The following CCNY variants were observed in gnomAD, a reference collection of about 807,000 sequenced individuals.
CCNY encodes cyclin-Y.
In CCNY, 19 loss-of-function variants were observed where a neutral mutation model predicts 42.8. That is an observed-to-expected ratio of 0.44 (90% CI 0.31 to 0.65). CCNY has a LOEUF of 0.65. Ranked by LOEUF, CCNY falls within the 30% of genes least tolerant of loss-of-function variation. The pLI is 0.07. For synonymous variants in CCNY, 165 were observed against 162.7 expected (o/e 1.01, Z -0.11); for missense variants, 370 against 437.3 (o/e 0.85, Z 1.37).
At chr10:35,432,308 A>G (rs189616002) in intron 1 of CCNY, among the ~76,000 whole-genome samples, 6 of 152,322 alleles carry the variant, frequency 3.9e-5, no homozygotes, top group African/African-American at 1.4e-4. Flanking sequence ...GGTTAAGATG[A>G]CTGTTGAGAT....
In CCNY at chr10:35,483,667, A is replaced by G. The variant is rs115549896; in HGVS notation, c.229+189A>G. 7.2e-3 allele frequency among the ~76,000 whole-genome samples: 1,095 copies of G among 152,126 alleles called. 14 individuals carry two copies. Among genetic ancestry groups the G allele is most frequent in the African/African-American group, 0.025 (1,042 of 41,504 alleles). ...CAGTGTTATGTTTTTAGAATTTCCTATTTGAAGCATCTATCCTCATTTTGT... is the reference window on the plus strand; with the variant it reads ...CAGTGTTATGTTTTTAGAATTTCCTGTTTGAAGCATCTATCCTCATTTTGT... On this transcript the variant is annotated intron_variant, in intron 2 of 9. Transcript: ENST00000374704.
intron 1 of CCNY, among the ~76,000 whole-genome samples, chr10:35,399,089 T>A (rs116927968): frequency 0.011 from 1,718 of 152,358 alleles, 11 homozygotes; most frequent in Non-Finnish European, 0.017. Flanking sequence ...AGAACCCAAC[T>A]GACTTGAAAG....
chr10:35,307,503 C>T (rs896331954), intron 3 of CCNY, among the ~76,000 whole-genome samples: 4 of 152,114 alleles, frequency 2.6e-5, no homozygotes, highest in Non-Finnish European at 5.9e-5. Flanking sequence ...GTGACTCACT[C>T]ACCCAACTGG....
intron 8 of CCNY, among the ~76,000 whole-genome samples, chr10:35,563,043 T>C (rs1841497152): frequency 6.6e-6 from 1 of 151,996 alleles, no homozygotes; most frequent in Non-Finnish European, 1.5e-5. Flanking sequence ...TTCATAGTTA[T>C]CTAAATGCAG....
intron 1 of CCNY, among the ~76,000 whole-genome samples, chr10:35,402,250 A>G (rs542585297): frequency 6.6e-5 from 10 of 151,896 alleles, no homozygotes; most frequent in East Asian, 1.9e-4. Flanking sequence ...GTATAGAATG[A>G]TTGGTGATGG....
intron 3 of CCNY, among the ~76,000 whole-genome samples, chr10:35,328,435 C>G (rs1209852402): frequency 6.6e-6 from 1 of 152,196 alleles, no homozygotes; most frequent in Non-Finnish European, 1.5e-5. Context: ...ATTTATCATA[C>G]AGTGACCAAT....
At chr10:35,275,852 G>A (rs996105844) in intron 3 of CCNY, among the ~76,000 whole-genome samples, 9 of 152,308 alleles carry the variant, frequency 5.9e-5, no homozygotes, top group Non-Finnish European at 1.2e-4. Flanking sequence ...ACCTAGGTCG[G>A]GACCCATGGA....
At chr10:35,288,480 G>A (rs187452009) in intron 3 of CCNY, among the ~76,000 whole-genome samples, 59 of 152,110 alleles carry the variant, frequency 3.9e-4, no homozygotes, top group South Asian at 3.5e-3. Context: ...TTTAGATGGG[G>A]AGAAGTTTTA....
intron 1 of CCNY, among the ~76,000 whole-genome samples, chr10:35,473,332 C>T (rs886699498): frequency 6.6e-6 from 1 of 152,232 alleles, no homozygotes; most frequent in African/African-American, 2.4e-5. Flanking sequence ...TGGGGCTTCA[C>T]TCTTTCAGTA....
At chr10:35,549,206 C>T (rs927690708) in intron 7 of CCNY, among the ~76,000 whole-genome samples, 1 of 149,196 alleles carries the variant, frequency 6.7e-6, no homozygotes, top group Non-Finnish European at 1.5e-5. Context: ...GGCTTCACAA[C>T]TGCACCTGGC....
At chr10:35,310,623 G>GT (rs1417046868) in intron 3 of CCNY, among the ~76,000 whole-genome samples, 4 of 152,234 alleles carry the variant, frequency 2.6e-5, no homozygotes, top group African/African-American at 9.6e-5. Flanking sequence ...TCTCACTGTA[G>GT]TTTTGCTTTG....
At chr10:35,556,442 A>G (rs1841364367) in intron 8 of CCNY, among the ~76,000 whole-genome samples, 1 of 152,122 alleles carries the variant, frequency 6.6e-6, no homozygotes. Flanking sequence ...TGCATATTTT[A>G]TTCTACTGTT....
At chr10:35,513,143 G>A (rs911759472) in intron 3 of CCNY, among the ~76,000 whole-genome samples, 2 of 152,096 alleles carry the variant, frequency 1.3e-5, no homozygotes, top group African/African-American at 4.8e-5. Context: ...GACATTGTGT[G>A]AATACATGGA....
upstream of CCNY, chr10:35,335,919 CA>C (rs1341863130): frequency 3.4e-3 from 528 of 153,072 alleles, 4 homozygotes; most frequent in Admixed American, 9.4e-3. Flanking sequence ...CACACACACA[CA>C]CACACACCTT....
chr10:35,507,576 A>G (rs1032297755), intron 3 of CCNY, among the ~76,000 whole-genome samples: 1 of 152,210 alleles, frequency 6.6e-6, no homozygotes, highest in Admixed American at 6.5e-5. Context: ...AGAATTTAAC[A>G]TTGATATGTT....
rs1253442472 is a variant in CCNY, at chr10:35,337,169, G to A, written c.116G>A (p.Cys39Tyr). The change falls in exon 1 of 10, where the codon TGC becomes TAC. Residue 39 changes from cysteine to tyrosine, a missense_variant. Around this residue, in one of 2 missense-constraint regions of CCNY, gnomAD observed 136 missense variants for 124.2 expected, o/e 1.09. Coordinates refer to ENST00000374704, the MANE Select transcript of CCNY (RefSeq NM_145012.6). Reference protein sequence around the residue: ...DTDLSREDTGCNLQHISDREN... With the variant: ...DTDLSREDTGYNLQHISDREN... The stretch of plus-strand genomic sequence containing the variant: ...GACCTGAGCCGCGAGGACACGGGCT[G>A]CAACCTGCAGCACATCAGCGACCGG... The A allele has an allele frequency of 3.8e-6, 6 of 1,572,616 alleles. No homozygotes were observed. The African/African-American group carries it at 6.9e-5, about 18-fold the overall frequency.
chr10:35,315,857 T>C (rs180678281), intron 3 of CCNY, among the ~76,000 whole-genome samples: 1 of 152,310 alleles, frequency 6.6e-6, no homozygotes, highest in East Asian at 1.9e-4. Context: ...ATTCATAATG[T>C]CATGCAACCA....
chr10:35,479,621 G>C (rs190051307), intron 1 of CCNY, among the ~76,000 whole-genome samples: 107 of 136,798 alleles, frequency 7.8e-4, no homozygotes, highest in Non-Finnish European at 1.3e-3. Context: ...TGGGGGGAGG[G>C]GGGGGAGGGA....
Position 35,483,423 on chromosome 10 carries a change from T to A in CCNY, c.174T>A (p.Asn58Lys), listed in dbSNP as rs1839716896. Reference sequence around the variant, plus strand: ...TTAAAGATTTGAACATGGAATTCAATCCTTCAGATCATCCTCGGGCCAGCA... The same window carrying A: ...TTAAAGATTTGAACATGGAATTCAAACCTTCAGATCATCCTCGGGCCAGCA... ...ENIDDLNMEF[N>K]PSDHPRASTI... The change falls in exon 2 of 10, where the codon AAT becomes AAA. Residue 58 changes from asparagine to lysine, a missense_variant. Around this residue, in one of 2 missense-constraint regions of CCNY, gnomAD observed 136 missense variants for 124.2 expected, o/e 1.09. Transcript: ENST00000374704. 1.2e-6 allele frequency: 2 copies of A among 1,606,598 alleles called. No homozygotes were observed. The highest frequency in any genetic ancestry group is 1.7e-5 in the Admixed American group (1 of 59,496).
Sources: allele counts gnomAD v4.1 joint callset (sites outside exome capture counted in the v4.1 genomes callset), GRCh38; gene constraint gnomAD v4.1.1; regional missense constraint gnomAD v4.1.1; transcripts MANE v1.5; gene names NCBI Gene and HGNC (gene_info 2026-07-23, HGNC 2026-07-21).